Variants in SLC38A5 observed in about 807,000 individuals in gnomAD.
The protein encoded by SLC38A5 is solute carrier family 38 member 5.
Under a neutral mutation model 34.6 loss-of-function variants are expected in SLC38A5, and 9 were observed. That is an observed-to-expected ratio of 0.26 (90% CI 0.16 to 0.45). The LOEUF is 0.45. Among genes scored for constraint, SLC38A5 ranks in the 20% least tolerant of loss-of-function variants. The pLI, the probability that SLC38A5 is intolerant of heterozygous loss-of-function variation, is 1.00. For missense variants in SLC38A5, 253 were observed against 394.7 expected, an observed-to-expected ratio of 0.64 and a Z score of 3.04; for synonymous variants, 157 against 155.6, an observed-to-expected ratio of 1.01 and a Z score of -0.07.
chrX:48,460,726 T>C lies in SLC38A5; in HGVS notation c.991A>G (p.Lys331Glu), dbSNP rs1556961660. Residue 331 changes from lysine (K) to glutamate (E), a missense_variant, in exon 14 of 17, where the codon AAG becomes GAG. Coordinates refer to ENST00000620913, the MANE Select transcript of SLC38A5 (RefSeq NM_033518.4). ...KAEMLHMYSQ[K>E]DPLILCVRLA... ...CGCACACAGAGGATGAGCGGGTCCT[T>C]CTGGCTGTACATGTGCAGCATCTCC... 8.3e-7 allele frequency: 1 copy of C among 1,211,917 alleles called. No homozygotes were observed. The highest frequency in any genetic ancestry group is 1.1e-6 in the Non-Finnish European group (1 of 895,575).
chrX:48,467,677 T>C (rs1556963848), intron 4 of SLC38A5, 33 bp downstream of exon 4: 1 of 1,180,979 alleles, frequency 8.5e-7, no homozygotes, highest in Admixed American at 2.3e-5. Context: ...CTGGGGAAGG[T>C]GCCACCAGGA....
intron 9 of SLC38A5, 39 bp downstream of exon 9, chrX:48,462,859 A>C: frequency 1.8e-6 from 2 of 1,091,512 alleles, no homozygotes; most frequent in South Asian, 2.0e-5. Flanking sequence ...TCTTCTGTCT[A>C]ATCCCACTAC....
At position 48,461,162 on chromosome X, in the gene SLC38A5, C is replaced by T; in HGVS notation, c.852-76G>A. ...CCAGGTCCCTCAAAGCCAGCCTCCACCCTCCAGAGTCCCCTTCTCCCAGAC... is the reference window on the plus strand; with the variant it reads ...CCAGGTCCCTCAAAGCCAGCCTCCATCCTCCAGAGTCCCCTTCTCCCAGAC... On this transcript the variant is annotated intron_variant, in intron 12 of 16. Transcript: ENST00000620913. The T allele has an allele frequency of 3.5e-6, 3 of 849,499 alleles. No individual in the cohort carries two copies. The South Asian group carries it at 6.7e-5, about 19-fold the overall frequency. 70.0% of individuals were successfully genotyped at this position (849,499 alleles called of 1,213,427 possible). A position where few individuals can be genotyped will look rare whatever the true frequency, so the allele number is the denominator to read the frequency against.
intron 4 of SLC38A5, 153 bp downstream of exon 4, chrX:48,467,557 G>A: frequency 1.9e-6 from 1 of 519,339 alleles, no homozygotes. Context: ...GGAGTATCTG[G>A]AGAGGGGAGC....
In SLC38A5 at chrX:48,459,021, C is replaced by T. The variant is rs781896852; in HGVS notation, c.1331G>A (p.Gly444Glu). Residue 444 changes from glycine (G) to glutamate (E), a missense_variant, in exon 17 of 17, where the codon GGA becomes GAA. Gly to Glu is a moderately conservative substitution (Grantham distance 98). Around this residue, in one of 3 missense-constraint regions of SLC38A5, gnomAD observed 176 missense variants for 273.0 expected, o/e 0.64. Transcript: ENST00000620913. ...SWPKIQALCF[G>E]VLGVLFMAVS... Reference sequence around the variant, plus strand: ...GGCCATGAAGAGGACTCCCAGGACTCCAAAGCACAGGGCCTGTGGGCCAGA... The same window carrying T: ...GGCCATGAAGAGGACTCCCAGGACTTCAAAGCACAGGGCCTGTGGGCCAGA... The T allele has an allele frequency of 8.4e-7, 1 of 1,192,286 alleles. No homozygotes were observed. Among genetic ancestry groups the T allele is most frequent in the Non-Finnish European group, 1.1e-6 (1 of 884,960 alleles).
chrX:48,467,599 T>C (rs782566297), intron 4 of SLC38A5, 111 bp downstream of exon 4: 89 of 759,345 alleles, frequency 1.2e-4, no homozygotes, highest in Non-Finnish European at 1.7e-4. Flanking sequence ...GCTGGGGAGA[T>C]AGCTGGGCAG....
Position 48,467,027 on chromosome X carries a change from G to A in SLC38A5, c.180C>T (p.Ala60=). 1 of 1,212,139 alleles carries A rather than the reference G, an allele frequency of 8.2e-7. No individual in the cohort carries two copies. The highest frequency in any genetic ancestry group is 1.1e-6 in the Non-Finnish European group (1 of 895,567). The stretch of plus-strand genomic sequence containing the variant: ...GCCCCAGGATGCCGCTGCCCATGAT[G>A]GCGTTGCTGAGGTTGAACACTGACA... The part of the protein sequence containing the change: ...FGMSVFNLSN[A]IMGSGILGLA... The change falls in exon 5 of 17, where the codon GCC becomes GCT. Residue 60 remains alanine (A), a synonymous_variant. Transcript: ENST00000620913.
At chrX:48,463,849 GAGAGAGAA>G (rs1420687429) in intron 8 of SLC38A5, among the ~76,000 whole-genome samples, 2 of 65,997 alleles carry the variant, frequency 3.0e-5, no homozygotes, top group African/African-American at 5.8e-5. Flanking sequence ...AAGAAAGAAA[GAGAGAGAA>G]AGAAAGAAAG....
chrX:48,465,743 CAT>C (rs1392198719), intron 8 of SLC38A5, among the ~76,000 whole-genome samples: 5 of 111,773 alleles, frequency 4.5e-5, no homozygotes, highest in Non-Finnish European at 7.5e-5. Flanking sequence ...TTCACACACA[CAT>C]GGTCAGCAGC....
At chrX:48,462,648 C>T (rs949026342) in intron 9 of SLC38A5, among the ~76,000 whole-genome samples, 3 of 109,799 alleles carry the variant, frequency 2.7e-5, no homozygotes, top group Non-Finnish European at 5.7e-5. Flanking sequence ...AATGGACCCC[C>T]GGAACAGTGA....
chrX:48,469,132 A>G (rs1422631930), intron 2 of SLC38A5: 9 of 550,211 alleles, frequency 1.6e-5, no homozygotes, highest in African/African-American at 1.0e-4. Context: ...CCCCACCACC[A>G]GCACCCTCCG....
chrX:48,469,123 C>T (rs1008882428), intron 2 of SLC38A5: 1 of 599,150 alleles, frequency 1.7e-6, no homozygotes, highest in Non-Finnish European at 2.0e-6. Context: ...AGTCCCATCC[C>T]CCACCACCAG....
rs782222878 is a variant in SLC38A5 at position 48,462,301 on chromosome X, G to A, written c.575-10C>T. 6 of 1,202,703 alleles carry A rather than the reference G, an allele frequency of 5.0e-6. No individual in the cohort carries two copies. The highest frequency in any genetic ancestry group is 4.4e-5 in the Admixed American group (2 of 45,043). On this transcript the variant is annotated splice_polypyrimidine_tract_variant and intron_variant, in intron 9 of 16. Coordinates refer to ENST00000620913, the MANE Select transcript of SLC38A5 (RefSeq NM_033518.4). ...GTGTACCCCAGGTAGCCTAAGAGGGGCAAAACACAGAGTCTCAGAAATCAG... is the reference window on the plus strand; with the variant it reads ...GTGTACCCCAGGTAGCCTAAGAGGGACAAAACACAGAGTCTCAGAAATCAG...
chrX:48,468,174 C>G, intron 2 of SLC38A5: 1 of 1,033,705 alleles, frequency 9.7e-7, no homozygotes, highest in East Asian at 3.6e-5. Flanking sequence ...CAGAGAGACA[C>G]AGAGAGAGCC....
rs1438243246 is a variant in SLC38A5 at position 48,462,112 on chromosome X, A to G, written c.666T>C (p.Ala222=). The G allele has an allele frequency of 8.3e-7, 1 of 1,199,058 alleles. No individual in the cohort carries two copies. Among genetic ancestry groups the G allele is most frequent in the Non-Finnish European group, 1.1e-6 (1 of 888,421 alleles). ...VIYKKFQLGC[A]IGHNETAMES... Reference sequence around the variant, plus strand: ...CCATTGCTGTTTCATTGTGGCCTATAGCACAGCCAAGTTGGAACTTCTTGT... The same window carrying G: ...CCATTGCTGTTTCATTGTGGCCTATGGCACAGCCAAGTTGGAACTTCTTGT... Residue 222 remains alanine (A), a synonymous_variant, in exon 11 of 17, where the codon GCT becomes GCC. Coordinates refer to ENST00000620913, the MANE Select transcript of SLC38A5 (RefSeq NM_033518.4).
Position 48,460,767 on chromosome X carries a change from G to A in SLC38A5, c.953-3C>T. ...CAGCATCTCCGCCTTCACACTGCCT[G>A]GGCCATGAGACAGAGGGTACGGGAT... On this transcript the variant is annotated splice_region_variant and splice_polypyrimidine_tract_variant and intron_variant, in intron 13 of 16. Coordinates refer to ENST00000620913, the MANE Select transcript of SLC38A5 (RefSeq NM_033518.4). The A allele has an allele frequency of 3.3e-6, 4 of 1,208,222 alleles. No homozygotes were observed. The highest frequency in any genetic ancestry group is 4.5e-6 in the Non-Finnish European group (4 of 892,687).
chrX:48,468,165 A>G (rs2061492930), intron 2 of SLC38A5: 1 of 1,022,429 alleles, frequency 9.8e-7, no homozygotes, highest in Admixed American at 4.1e-5. Flanking sequence ...TTAGTTACTC[A>G]GAGAGACACA....
chrX:48,466,142 C>G (rs1403066495), intron 7 of SLC38A5, 49 bp from the exon 8 acceptor site: 7 of 1,157,505 alleles, frequency 6.0e-6, no homozygotes, highest in Non-Finnish European at 8.1e-6. Context: ...TTCATGCCCC[C>G]ACCCCGTCTT....
Position 48,467,781 on chromosome X carries a change from T to C in SLC38A5, c.58A>G (p.Arg20Gly). Residue 20 changes from arginine to glycine, a missense_variant, in exon 4 of 17, where the codon AGG (arginine) becomes GGG (glycine). By Grantham distance (125) the Arg-to-Gly change is moderately radical. This residue lies in a region of SLC38A5 where 40 missense variants were observed against 36.4 expected (regional missense o/e 1.10). Transcript: ENST00000620913. ...GGCAGGAAGCCCTCACGTTCTTGCC[T>C]GTAGCTGGATAGGGCAGGGAAATAG... ...GALPSDAVGYRQEREGFLPSR... is the reference protein window; with the variant it reads ...GALPSDAVGYGQEREGFLPSR... The C allele has an allele frequency of 8.3e-7, 1 of 1,207,530 alleles. No homozygotes were observed.
Sources: allele counts gnomAD v4.1 joint callset (sites outside exome capture counted in the v4.1 genomes callset), GRCh38; gene constraint gnomAD v4.1.1; regional missense constraint gnomAD v4.1.1; transcripts MANE v1.5; gene names NCBI Gene and HGNC (gene_info 2026-07-23, HGNC 2026-07-21).